The following ZNF526 variants were observed in gnomAD, a reference collection of about 807,000 sequenced individuals.
ZNF526 encodes the protein zinc finger protein 526.
Under a neutral mutation model 32.4 loss-of-function variants are expected in ZNF526, and 16 were observed. The observed-to-expected ratio is 0.49, with a 90% CI of 0.33 to 0.75. The LOEUF (loss-of-function observed/expected upper bound fraction) is 0.75, where lower values mean the gene tolerates loss of function less well. ZNF526 is among the 30% of genes least tolerant of loss of function. The probability of loss-of-function intolerance (pLI) is 0.02; values close to 1 mark genes in which losing one functional copy is unlikely to be tolerated. For synonymous variants in ZNF526, 355 were observed against 363.4 expected, an observed-to-expected ratio of 0.98 and a Z score of 0.26; for missense variants, 838 against 920.7, an observed-to-expected ratio of 0.91 and a Z score of 1.16.
chr19:42,220,642 G>A (rs1208637129), intron 1 of ZNF526: 3 of 152,194 alleles, frequency 2.0e-5, no homozygotes, highest in Non-Finnish European at 4.4e-5. Flanking sequence ...TCTGGTAGGA[G>A]ACAAGCGTTG....
At chr19:42,223,457 C>T (rs544375565) in intron 1 of ZNF526, among the ~76,000 whole-genome samples, 49 of 152,084 alleles carry the variant, frequency 3.2e-4, no homozygotes, top group African/African-American at 9.9e-4. Flanking sequence ...CTGGCTAACA[C>T]GGTGAAACCC....
At chr19:42,220,462 G>C (rs890236805) in intron 1 of ZNF526, 75 bp downstream of exon 1, 1 of 152,570 alleles carries the variant, frequency 6.6e-6, no homozygotes, top group African/African-American at 2.4e-5. Flanking sequence ...AAACTAAGGG[G>C]TCTGCAGGGA....
In ZNF526 at chr19:42,224,816, T is replaced by C. The variant is rs2036157038; in HGVS notation, c.413T>C (p.Ile138Thr). The C allele has an allele frequency of 6.2e-7, 1 of 1,613,432 alleles. No individual in the cohort carries two copies. Residue 138 changes from isoleucine (I) to threonine (T), a missense_variant, in exon 3 of 3, where the codon ATC becomes ACC. By Grantham distance (89) the Ile-to-Thr change is moderately conservative. Coordinates refer to ENST00000301215, the MANE Select transcript of ZNF526 (RefSeq NM_133444.3). Reference protein sequence around the residue: ...DAHLRESANQIQYQCWDCQEL... With the variant: ...DAHLRESANQTQYQCWDCQEL... Reference sequence around the variant, plus strand: ...CACCTCCGAGAGTCTGCAAACCAGATCCAATACCAGTGCTGGGACTGCCAG... The same window carrying C: ...CACCTCCGAGAGTCTGCAAACCAGACCCAATACCAGTGCTGGGACTGCCAG...
intron 1 of ZNF526, among the ~76,000 whole-genome samples, chr19:42,223,974 AATATATATATATAT>A (rs35211089): frequency 4.5e-5 from 5 of 110,618 alleles, no homozygotes; most frequent in South Asian, 3.4e-4. Flanking sequence ...TCTCTACTAA[AATATATATATATAT>A]ATATATATAT....
At chr19:42,221,997 T>C (rs952326333) in intron 1 of ZNF526, among the ~76,000 whole-genome samples, 2 of 152,016 alleles carry the variant, frequency 1.3e-5, no homozygotes, top group African/African-American at 2.4e-5. Flanking sequence ...ATATGTACTG[T>C]GTGCTAGACA....
Position 42,226,493 on chromosome 19 carries a change from C to A in ZNF526, c.*77C>A. 1 of 1,599,304 alleles carries A rather than the reference C, an allele frequency of 6.3e-7. No homozygotes were observed. Among genetic ancestry groups the A allele is most frequent in the Non-Finnish European group, 8.6e-7 (1 of 1,168,068 alleles). ...TACCTCTGGGGAGAGAGGACCTCCTCTGACAAACTGGTCTGGTACCCACCA... is the reference window on the plus strand; with the variant it reads ...TACCTCTGGGGAGAGAGGACCTCCTATGACAAACTGGTCTGGTACCCACCA... On this transcript the variant is annotated 3_prime_UTR_variant, in exon 3 of 3. Transcript: ENST00000301215.
chr19:42,223,459 G>A (rs2036141301), intron 1 of ZNF526, among the ~76,000 whole-genome samples: 1 of 152,144 alleles, frequency 6.6e-6, no homozygotes, highest in South Asian at 2.1e-4. Flanking sequence ...GGCTAACACG[G>A]TGAAACCCTG....
At chr19:42,222,705 G>A (rs1430433264) in intron 1 of ZNF526, among the ~76,000 whole-genome samples, 3 of 152,164 alleles carry the variant, frequency 2.0e-5, no homozygotes, top group Non-Finnish European at 2.9e-5. Flanking sequence ...CAAACTCTCA[G>A]TCCAGTGAGG....
At position 42,226,296 on chromosome 19, in the gene ZNF526, C is replaced by T. The variant is rs768856134; in HGVS notation, c.1893C>T (p.Thr631=). The part of the protein sequence containing the change: ...QTIMCTELGE[T]IAIIETSQPL... ...TCATGTGCACAGAGCTGGGGGAGAC[C>T]ATCGCCATCATTGAGACATCCCAGC... The change falls in exon 3 of 3, where the codon ACC becomes ACT. Residue 631 remains threonine, a synonymous_variant. Coordinates refer to ENST00000301215, the MANE Select transcript of ZNF526 (RefSeq NM_133444.3). The T allele has an allele frequency of 1.2e-6, 2 of 1,614,166 alleles. No individual in the cohort carries two copies. Among genetic ancestry groups the T allele is most frequent in the Non-Finnish European group, 1.7e-6 (2 of 1,180,034 alleles).
At position 42,226,196 on chromosome 19, in the gene ZNF526, C is replaced by T. The variant is rs777726826; in HGVS notation, c.1793C>T (p.Ala598Val). The T allele has an allele frequency of 1.6e-5, 26 of 1,610,094 alleles. 2 individuals carry two copies. The South Asian group carries it at 2.9e-4, about 18-fold the overall frequency. The change falls in exon 3 of 3, where the codon GCT (alanine) becomes GTT (valine). Residue 598 changes from alanine (A) to valine (V), a missense_variant. By Grantham distance (64) the Ala-to-Val change is moderately conservative (BLOSUM62 0). Transcript: ENST00000301215. ...LRLHQRVHAR[A>V]RTLTLQPPRS... The stretch of plus-strand genomic sequence containing the variant: ...CTGCATCAGCGGGTCCATGCCCGAG[C>T]TCGGACTTTGACGCTACAGCCTCCC...
Position 42,224,306 on chromosome 19 carries a change from G to C in ZNF526, c.-18+1G>C. On this transcript the variant is annotated splice_donor_variant, in intron 2 of 2. Coordinates refer to ENST00000301215, the MANE Select transcript of ZNF526 (RefSeq NM_133444.3). LOFTEE classifies it low-confidence loss of function (5UTR_SPLICE). ...ATTAAGACTTCCTGAGCGATAGCTG[G>C]TGAGTAGTGGGATGTGCAAGAGAAT... The C allele has an allele frequency of 2.0e-6, 2 of 996,574 alleles. No individual in the cohort carries two copies. The highest frequency in any genetic ancestry group is 3.2e-6 in the Non-Finnish European group (2 of 632,048). 61.7% of individuals were successfully genotyped at this position (996,574 alleles called of 1,614,324 possible). A position where few individuals can be genotyped will look rare whatever the true frequency, so the allele number is the denominator to read the frequency against.
At position 42,224,300 on chromosome 19, in the gene ZNF526, T is replaced by C. The variant is rs1285954057; in HGVS notation, c.-23T>C. 8.3e-6 allele frequency: 8 copies of C among 960,864 alleles called. No individual in the cohort carries two copies. Among genetic ancestry groups the C allele is most frequent in the African/African-American group, 6.4e-5 (4 of 62,216 alleles). The allele number at this position is 960,864 out of a possible 1,614,324, so 59.5% of individuals were successfully genotyped here. ...CAGTGGATTAAGACTTCCTGAGCGATAGCTGGTGAGTAGTGGGATGTGCAA... is the reference window on the plus strand; with the variant it reads ...CAGTGGATTAAGACTTCCTGAGCGACAGCTGGTGAGTAGTGGGATGTGCAA... On this transcript the variant is annotated 5_prime_UTR_variant, in exon 2 of 3. Coordinates refer to ENST00000301215, the MANE Select transcript of ZNF526 (RefSeq NM_133444.3).
chr19:42,226,056 G>C lies in ZNF526; in HGVS notation c.1653G>C (p.Leu551Phe), dbSNP rs2036176213. ...SNLQQHRRLH[L>F]RPVAFARAPR... ...TGCAGCAGCACCGGCGGTTGCACTTGCGGCCAGTCGCCTTTGCCCGCGCCC... is the reference window on the plus strand; with the variant it reads ...TGCAGCAGCACCGGCGGTTGCACTTCCGGCCAGTCGCCTTTGCCCGCGCCC... Residue 551 changes from leucine to phenylalanine, a missense_variant, in exon 3 of 3, where the codon TTG becomes TTC. By Grantham distance (22) the Leu-to-Phe change is conservative. Coordinates refer to ENST00000301215, the MANE Select transcript of ZNF526 (RefSeq NM_133444.3). 1 of 1,610,058 alleles carries C rather than the reference G, an allele frequency of 6.2e-7. No homozygotes were observed. The highest frequency in any genetic ancestry group is 2.2e-5 in the East Asian group (1 of 44,884).
In ZNF526 at chr19:42,225,837, C is replaced by G. The variant is rs745343168; in HGVS notation, c.1434C>G (p.Gly478=). 6.2e-6 allele frequency: 10 copies of G among 1,614,002 alleles called. No individual in the cohort carries two copies. The change falls in exon 3 of 3, where the codon GGC becomes GGG. Residue 478 remains glycine, a synonymous_variant. Coordinates refer to ENST00000301215, the MANE Select transcript of ZNF526 (RefSeq NM_133444.3). Reference sequence around the variant, plus strand: ...GGCGTCACCGCTGTGGGGTTTGTGGCAAGGGCTTCAAGAAGCTGATCCACG... The same window carrying G: ...GGCGTCACCGCTGTGGGGTTTGTGGGAAGGGCTTCAAGAAGCTGATCCACG... ...PERRHRCGVC[G]KGFKKLIHVR... is the part of the protein sequence containing the mutation.
chr19:42,225,944 A>C lies in ZNF526; in HGVS notation c.1541A>C (p.Asn514Thr). ...GGCAAGACCTTTGCTTCTTTGGCCA[A>C]CCTCAGCCGCCACCAGCTGACCCAT... is the stretch of plus-strand genomic sequence containing the variant. Reference protein sequence around the residue: ...SCGKTFASLANLSRHQLTHTG... With the variant: ...SCGKTFASLATLSRHQLTHTG... The change falls in exon 3 of 3, where the codon AAC (asparagine) becomes ACC (threonine). Residue 514 changes from asparagine (N) to threonine (T), a missense_variant. Physicochemically the swap from Asn to Thr is moderately conservative, Grantham distance 65. Transcript: ENST00000301215. The C allele has an allele frequency of 6.2e-7, 1 of 1,614,080 alleles. No homozygotes were observed. Among genetic ancestry groups the C allele is most frequent in the East Asian group, 2.2e-5 (1 of 44,882 alleles).
In ZNF526 at chr19:42,225,533, C is replaced by G; in HGVS notation, c.1130C>G (p.Ala377Gly). Residue 377 changes from alanine to glycine, a missense_variant, in exon 3 of 3, where the codon GCT (alanine) becomes GGT (glycine). Physicochemically the swap from Ala to Gly is moderately conservative, Grantham distance 60 (BLOSUM62 0). Coordinates refer to ENST00000301215, the MANE Select transcript of ZNF526 (RefSeq NM_133444.3). Reference protein sequence around the residue: ...RGFGTELTLVAHRRAHTANPL... With the variant: ...RGFGTELTLVGHRRAHTANPL... ...TTTGGCACAGAACTCACGTTGGTGG[C>G]TCACCGGCGGGCCCACACTGCCAAC... 3 of 1,612,044 alleles carry G rather than the reference C, an allele frequency of 1.9e-6. No homozygotes were observed. Among genetic ancestry groups the G allele is most frequent in the Non-Finnish European group, 2.5e-6 (3 of 1,178,316 alleles).
Position 42,224,547 on chromosome 19 carries a change from A to T in ZNF526, c.144A>T (p.Ser48=). Residue 48 remains serine (S), a synonymous_variant, in exon 3 of 3, where the codon TCA becomes TCT. Transcript: ENST00000301215. ...TEMTPGEALA[S]SLFFQHHQFM... is the part of the protein sequence containing the mutation. The stretch of plus-strand genomic sequence containing the variant: ...TGACACCTGGGGAGGCCCTTGCCTC[A>T]TCCCTCTTCTTCCAGCATCACCAGT... 3 of 1,614,236 alleles carry T rather than the reference A, an allele frequency of 1.9e-6. No individual in the cohort carries two copies. In the South Asian group the frequency reaches 3.3e-5, roughly 18 times the overall value.
Position 42,225,070 on chromosome 19 carries a change from C to T in ZNF526, c.667C>T (p.Leu223=). 3 of 1,614,046 alleles carry T rather than the reference C, an allele frequency of 1.9e-6. No individual in the cohort carries two copies. The highest frequency in any genetic ancestry group is 2.5e-6 in the Non-Finnish European group (3 of 1,179,950). Residue 223 remains leucine, a synonymous_variant, in exon 3 of 3, where the codon CTA becomes TTA. Transcript: ENST00000301215. The stretch of plus-strand genomic sequence containing the variant: ...GCATCAGGGCACCCACTTTGACTCC[C>T]TAGAGAAAGAGGAGCGCAATGGGTT... ...LEHQGTHFDS[L]EKEERNGLEE...
rs1486585018 is a variant in ZNF526 at position 42,227,913 on chromosome 19, A to G, written c.*1497A>G. The G allele has an allele frequency of 6.6e-6, 1 of 152,096 alleles. No homozygotes were observed. Among genetic ancestry groups the G allele is most frequent in the East Asian group, 1.9e-4 (1 of 5,176 alleles). 9.4% of individuals were successfully genotyped at this position (152,096 alleles called of 1,614,324 possible). A position where few individuals can be genotyped will look rare whatever the true frequency, so the allele number is the denominator to read the frequency against. On this transcript the variant is annotated 3_prime_UTR_variant, in exon 3 of 3. Transcript: ENST00000301215. Reference sequence around the variant, plus strand: ...AGACCTCATCTCTACAAAACTTAAAAGTTAGCCAGGCCTGGTGGCACATGC... The same window carrying G: ...AGACCTCATCTCTACAAAACTTAAAGGTTAGCCAGGCCTGGTGGCACATGC...
Sources: allele counts gnomAD v4.1 joint callset (sites outside exome capture counted in the v4.1 genomes callset), GRCh38; gene constraint gnomAD v4.1.1; transcripts MANE v1.5; gene names NCBI Gene and HGNC (gene_info 2026-07-23, HGNC 2026-07-21).